ZC3H4: variants seen among roughly 807,000 people sequenced by gnomAD.
The protein encoded by ZC3H4 is zinc finger CCCH-type containing 4.
ZC3H4 carries 13 observed loss-of-function variants against 108.3 expected under a neutral mutation model. The ratio of observed to expected loss-of-function variants is 0.12; its 90% CI spans 0.08 to 0.19. The LOEUF is 0.19. ZC3H4 is among the 10% of genes least tolerant of loss of function. ZC3H4 has a pLI of 1.00. For missense variants in ZC3H4, 1,734 were observed against 1,838.8 expected, an observed-to-expected ratio of 0.94 and a Z score of 1.04; for synonymous variants, 917 against 749.6, an observed-to-expected ratio of 1.22 and a Z score of -3.65.
Position 47,066,680 on chromosome 19 carries a change from C to G in ZC3H4, c.3588G>C (p.Leu1196=). The G allele has an allele frequency of 6.2e-7, 1 of 1,611,412 alleles. No homozygotes were observed. Among genetic ancestry groups the G allele is most frequent in the Non-Finnish European group, 8.5e-7 (1 of 1,179,472 alleles). Residue 1196 remains leucine, a synonymous_variant, in exon 15 of 15, where the codon CTG becomes CTC. Transcript: ENST00000253048. ...KEPPFVRKSA[L]EQPETGKAGA... is the part of the protein sequence containing the mutation. ...CGGCCTTCCCTGTCTCTGGCTGTTC[C>G]AGGGCAGACTTGCGGACGAACGGGG...
At chr19:47,109,956 G>T (rs891601548) in intron 2 of ZC3H4, among the ~76,000 whole-genome samples, 7 of 152,152 alleles carry the variant, frequency 4.6e-5, no homozygotes, top group African/African-American at 1.7e-4. Context: ...AGGCCGGGGG[G>T]ACTGGGGGCT....
chr19:47,066,533 G>C lies in ZC3H4; in HGVS notation c.3735C>G (p.Pro1245=), dbSNP rs548569134. ...TGGGCACGGGCAGGTTGTGCACCCCGGGCTGGGGTGGGGCACCCTCGGGGG... is the reference window on the plus strand; with the variant it reads ...TGGGCACGGGCAGGTTGTGCACCCCCGGCTGGGGTGGGGCACCCTCGGGGG... ...TPPPEGAPPQ[P]GVHNLPVPTL... The change falls in exon 15 of 15, where the codon CCC becomes CCG. Residue 1245 remains proline, a synonymous_variant. Coordinates refer to ENST00000253048, the MANE Select transcript of ZC3H4 (RefSeq NM_015168.2). The C allele has an allele frequency of 1.3e-6, 2 of 1,570,906 alleles. No individual in the cohort carries two copies. Among genetic ancestry groups the C allele is most frequent in the South Asian group, 2.4e-5 (2 of 83,012 alleles).
chr19:47,088,672 A>C (rs2057676424), intron 5 of ZC3H4, among the ~76,000 whole-genome samples: 1 of 152,152 alleles, frequency 6.6e-6, no homozygotes, highest in African/African-American at 2.4e-5. Context: ...TAAACAAAAA[A>C]GAGTGATGGG....
At chr19:47,068,195 G>A (rs748898378) in intron 14 of ZC3H4, among the ~76,000 whole-genome samples, 5 of 152,232 alleles carry the variant, frequency 3.3e-5, no homozygotes, top group Non-Finnish European at 7.3e-5. Context: ...GCACAGTGCC[G>A]TTACATTGGA....
chr19:47,095,429 T>A (rs1286599914), intron 2 of ZC3H4, among the ~76,000 whole-genome samples: 1 of 152,144 alleles, frequency 6.6e-6, no homozygotes, highest in Non-Finnish European at 1.5e-5. Flanking sequence ...GGGGGACGGA[T>A]CCCAGGCCCC....
At chr19:47,078,276 C>G (rs1190299908) in intron 11 of ZC3H4, among the ~76,000 whole-genome samples, 2 of 152,120 alleles carry the variant, frequency 1.3e-5, no homozygotes, top group Admixed American at 1.3e-4. Flanking sequence ...GAGTTTGAAA[C>G]CAGCCTGGCC....
rs1210108057 is a variant in ZC3H4 at position 47,097,001 on chromosome 19, C to T, written c.162-2393G>A. The T allele has an allele frequency of 5.1e-6, 5 of 985,326 alleles. No individual in the cohort carries two copies. In the East Asian group the frequency reaches 5.7e-4, roughly 112 times the overall value. 61.0% of individuals were successfully genotyped at this position (985,326 alleles called of 1,614,324 possible). Reference sequence around the variant, plus strand: ...TCCTGATGCCACTCGCTGGCTCGGACGAAGGTACAGGCTACTCTACATCTA... The same window carrying T: ...TCCTGATGCCACTCGCTGGCTCGGATGAAGGTACAGGCTACTCTACATCTA... On this transcript the variant is annotated intron_variant, in intron 2 of 14. Coordinates refer to ENST00000253048, the MANE Select transcript of ZC3H4 (RefSeq NM_015168.2).
In ZC3H4 at chr19:47,078,443, C is replaced by A. The variant is rs902803061; in HGVS notation, c.1440+3070G>T. ...AGGTTGCAGTGAGCCGAGACCACGC[C>A]CACTGCACTCCAGCCTGGCAACAGA... is the stretch of plus-strand genomic sequence containing the variant. On this transcript the variant is annotated intron_variant, in intron 11 of 14. Coordinates refer to ENST00000253048, the MANE Select transcript of ZC3H4 (RefSeq NM_015168.2). Among the ~76,000 whole-genome samples the A allele has an allele frequency of 2.6e-5, 4 of 151,342 alleles. No homozygotes were observed. The East Asian group carries it at 7.8e-4, about 30-fold the overall frequency.
intron 11 of ZC3H4, among the ~76,000 whole-genome samples, chr19:47,080,243 T>C (rs1281670839): frequency 6.6e-6 from 1 of 152,208 alleles, no homozygotes; most frequent in Non-Finnish European, 1.5e-5. Flanking sequence ...GGACTGATGT[T>C]TGGGTATTTA....
chr19:47,067,185 CCCGGGCGCTG>C lies in ZC3H4; in HGVS notation c.3073_3082del (p.Gln1025AlafsTer116), dbSNP rs764407907. 6.2e-7 allele frequency: 1 copy of C among 1,611,048 alleles called. No individual in the cohort carries two copies. The highest frequency in any genetic ancestry group is 8.5e-7 in the Non-Finnish European group (1 of 1,178,522). On this transcript the variant is annotated frameshift_variant, in exon 15 of 15. Coordinates refer to ENST00000253048, the MANE Select transcript of ZC3H4 (RefSeq NM_015168.2). LOFTEE classifies it high-confidence loss of function. This position sits in a 1 kb window ranked among gnomAD's most constrained non-coding sequence, Gnocchi z 6.4. ...CTGTGTGCTGGAATCCGTGGAGGCG[CCCGGGCGCTG>C]CCGGGCGTTGGGGGGCCCTGCCGTG...
chr19:47,106,605 G>A (rs1285363014), intron 2 of ZC3H4, among the ~76,000 whole-genome samples: 2 of 152,312 alleles, frequency 1.3e-5, no homozygotes, highest in East Asian at 1.9e-4. Flanking sequence ...CTTTCCAAGT[G>A]CATATTAGTA....
At chr19:47,084,504 G>A in intron 8 of ZC3H4, 49 bp from the exon 9 acceptor site, 1 of 1,592,162 alleles carries the variant, frequency 6.3e-7, no homozygotes, top group Non-Finnish European at 8.6e-7. Flanking sequence ...GGGAAGGGTA[G>A]AGATGGGATC....
rs762293886 is a variant in ZC3H4, at chr19:47,067,365, A to C, written c.2903T>G (p.Leu968Arg). 1 of 1,606,986 alleles carries C rather than the reference A, an allele frequency of 6.2e-7. No homozygotes were observed. Among genetic ancestry groups the C allele is most frequent in the Non-Finnish European group, 8.5e-7 (1 of 1,176,194 alleles). ...QFSHIKKDVT[L>R]SKPSFARTVL... ...GGTGCGGGCGAAGCTGGGCTTGCTC[A>C]GGGTCACGTCCTTCTTGATGTGGCT... Residue 968 changes from leucine (L) to arginine (R), a missense_variant, in exon 15 of 15, where the codon CTG (leucine) becomes CGG (arginine). Coordinates refer to ENST00000253048, the MANE Select transcript of ZC3H4 (RefSeq NM_015168.2). The surrounding 1 kb of genome is among the most constrained non-coding windows in gnomAD (Gnocchi z 6.4).
At chr19:47,084,949 G>C in intron 8 of ZC3H4, 107 bp downstream of exon 8, 1 of 1,470,326 alleles carries the variant, frequency 6.8e-7, no homozygotes, top group East Asian at 2.3e-5. Flanking sequence ...CCTTTGGGGG[G>C]TGGCTGATGG....
chr19:47,110,565 C>A (rs567500130), intron 2 of ZC3H4, among the ~76,000 whole-genome samples: 3 of 152,032 alleles, frequency 2.0e-5, no homozygotes, highest in Non-Finnish European at 4.4e-5. Flanking sequence ...GGTCTAAAGG[C>A]GAGGAGGAAG....
In ZC3H4 at chr19:47,066,487, G is replaced by C. The variant is rs1246220178; in HGVS notation, c.3781C>G (p.Gln1261Glu). 3.2e-6 allele frequency: 5 copies of C among 1,582,868 alleles called. No individual in the cohort carries two copies. Among genetic ancestry groups the C allele is most frequent in the Non-Finnish European group, 4.3e-6 (5 of 1,163,584 alleles). The change falls in exon 15 of 15, where the codon CAG becomes GAG. Residue 1261 changes from glutamine to glutamate, a missense_variant. By Grantham distance (29) the Gln-to-Glu change is conservative. Transcript: ENST00000253048. ...PVPTLFGTVK[Q>E]TPKTGSGSPF... Reference sequence around the variant, plus strand: ...CTTCCTGAGCCCGTCTTGGGTGTCTGCTTCACCGTCCCGAAGAGGGTGGGC... The same window carrying C: ...CTTCCTGAGCCCGTCTTGGGTGTCTCCTTCACCGTCCCGAAGAGGGTGGGC...
chr19:47,077,266 C>T (rs1256899566), intron 11 of ZC3H4, among the ~76,000 whole-genome samples: 1 of 151,702 alleles, frequency 6.6e-6, no homozygotes, highest in African/African-American at 2.4e-5. Context: ...GTCAGGTGTT[C>T]GAGACCAGCC....
intron 6 of ZC3H4, among the ~76,000 whole-genome samples, chr19:47,085,967 G>A (rs2057614060): frequency 6.6e-6 from 1 of 152,084 alleles, no homozygotes; most frequent in South Asian, 2.1e-4. Flanking sequence ...GGGTTCAAGT[G>A]ATTCTCCTGC....
chr19:47,084,223 A>C, intron 9 of ZC3H4, 122 bp downstream of exon 9: 1 of 887,950 alleles, frequency 1.1e-6, no homozygotes, highest in Non-Finnish European at 1.8e-6. Context: ...AAGTGTCCAC[A>C]AGGACAAGGA....
Sources: gnomAD v4.1 joint callset for allele counts (sites outside exome capture counted in the v4.1 genomes callset) on GRCh38, gnomAD v4.1.1 for gene constraint, Gnocchi (gnomAD v3.1) non-coding constraint, MANE v1.5 for transcripts, NCBI Gene and HGNC (gene_info 2026-07-23, HGNC 2026-07-21) for gene names.